CCR5AS: variants seen among roughly 807,000 people sequenced by gnomAD.
CCR5AS encodes the protein CCR5 antisense RNA.
intron 2 of CCR5AS, among the ~76,000 whole-genome samples, chr3:46,391,430 C>A (rs1489029896): frequency 6.6e-6 from 1 of 152,068 alleles, no homozygotes; most frequent in East Asian, 1.9e-4. Flanking sequence ...ATTTTTGGAG[C>A]TTTTTCTAAT....
chr3:46,368,194 G>A (rs1267902942), intron 3 of CCR5AS, among the ~76,000 whole-genome samples: 2 of 152,196 alleles, frequency 1.3e-5, no homozygotes, highest in African/African-American at 2.4e-5. Flanking sequence ...GCCCCAAAAA[G>A]GAGGGATGGC....
intron 2 of CCR5AS, among the ~76,000 whole-genome samples, chr3:46,388,061 AT>A (rs745881988): frequency 3.3e-5 from 5 of 152,204 alleles, no homozygotes; most frequent in Non-Finnish European, 7.3e-5. Flanking sequence ...GCTTCAGGCC[AT>A]CTGGATGTAT....
intron 2 of CCR5AS, among the ~76,000 whole-genome samples, chr3:46,390,204 A>G (rs113634435): frequency 0.19 from 29,426 of 152,022 alleles, 3,664 homozygotes; most frequent in African/African-American, 0.35. Flanking sequence ...CAAGTAAGGC[A>G]AAAAGAGGCT....
intron 3 of CCR5AS, among the ~76,000 whole-genome samples, chr3:46,368,478 T>C (rs538369505): frequency 1.3e-5 from 2 of 152,200 alleles, no homozygotes; most frequent in Non-Finnish European, 2.9e-5. Flanking sequence ...ATCCTTGGGC[T>C]GAACCCCCCT....
At chr3:46,395,286 G>A (rs1025582616) in intron 1 of CCR5AS, among the ~76,000 whole-genome samples, 2 of 152,160 alleles carry the variant, frequency 1.3e-5, no homozygotes, top group African/African-American at 4.8e-5. Context: ...GGCAGTGTCA[G>A]GGGAAGCTGG....
chr3:46,385,859 G>A (rs967017735), intron 2 of CCR5AS, among the ~76,000 whole-genome samples: 4 of 152,050 alleles, frequency 2.6e-5, no homozygotes, highest in African/African-American at 4.8e-5. Context: ...TCCTGCCTCA[G>A]CCTCCTGAGC....
chr3:46,372,567 C>G, intron 2 of CCR5AS: 1 of 185,842 alleles, frequency 5.4e-6, no homozygotes, highest in Non-Finnish European at 1.1e-5. Context: ...TGAGCTGCAC[C>G]ATGCTTGACC....
chr3:46,400,561 A>C (rs10490771), intron 1 of CCR5AS, among the ~76,000 whole-genome samples: 9,115 of 152,204 alleles, frequency 0.06, 915 homozygotes, highest in African/African-American at 0.21. Flanking sequence ...AAAAGTGAGA[A>C]ATTTTATTGT....
chr3:46,403,699 G>C (rs538268167), intron 1 of CCR5AS, among the ~76,000 whole-genome samples: 1 of 152,306 alleles, frequency 6.6e-6, no homozygotes, highest in African/African-American at 2.4e-5. Context: ...CTGCCCGAAG[G>C]GGTACCAGTG....
chr3:46,388,453 T>C (rs1422717935), intron 2 of CCR5AS, among the ~76,000 whole-genome samples: 1 of 152,148 alleles, frequency 6.6e-6, no homozygotes, highest in Non-Finnish European at 1.5e-5. Flanking sequence ...AAAACAGGCA[T>C]TAAAGGACTA....
At chr3:46,378,818 C>T (rs961942859) in intron 2 of CCR5AS, among the ~76,000 whole-genome samples, 1 of 152,168 alleles carries the variant, frequency 6.6e-6, no homozygotes, top group Non-Finnish European at 1.5e-5. Flanking sequence ...AGACCAATCT[C>T]TGCAGTGTGC....
At chr3:46,386,264 C>A (rs1380385691) in intron 2 of CCR5AS, among the ~76,000 whole-genome samples, 5 of 152,162 alleles carry the variant, frequency 3.3e-5, no homozygotes, top group African/African-American at 1.2e-4. Flanking sequence ...ATAAATCTCT[C>A]TACTTTCACT....
chr3:46,397,109 C>T (rs1701967008), intron 1 of CCR5AS, among the ~76,000 whole-genome samples: 1 of 152,190 alleles, frequency 6.6e-6, no homozygotes, highest in Non-Finnish European at 1.5e-5. Context: ...CGGCTCCCAT[C>T]CATGCGCCCT....
intron 2 of CCR5AS, among the ~76,000 whole-genome samples, chr3:46,390,368 T>A (rs980897602): frequency 2.6e-5 from 4 of 152,168 alleles, no homozygotes; most frequent in African/African-American, 7.2e-5. Flanking sequence ...ACGAAGATCC[T>A]GAACAAACCT....
chr3:46,364,797 C>A (rs1701584483), exon 4 of CCR5AS, among the ~76,000 whole-genome samples: 1 of 152,168 alleles, frequency 6.6e-6, no homozygotes. Flanking sequence ...AAAATACCAA[C>A]ATTAACAGGA....
intron 1 of CCR5AS, among the ~76,000 whole-genome samples, chr3:46,406,423 C>G (rs1021362673): frequency 7.9e-5 from 12 of 151,918 alleles, no homozygotes; most frequent in Admixed American, 5.9e-4. Context: ...GTGCCCTCCC[C>G]GTCCCACTCT....
chr3:46,403,995 G>A (rs180674097), intron 1 of CCR5AS, among the ~76,000 whole-genome samples: 4 of 152,334 alleles, frequency 2.6e-5, no homozygotes, highest in African/African-American at 7.2e-5. Flanking sequence ...ACTGGCAAAG[G>A]AGAAATGTTT....
intron 2 of CCR5AS, among the ~76,000 whole-genome samples, chr3:46,390,343 G>A (rs1206042735): frequency 6.6e-6 from 1 of 152,104 alleles, no homozygotes; most frequent in Non-Finnish European, 1.5e-5. Flanking sequence ...TGGGAAGGAC[G>A]ATTTGATCAA....
chr3:46,402,311 G>C (rs913691249), intron 1 of CCR5AS, among the ~76,000 whole-genome samples: 1 of 152,168 alleles, frequency 6.6e-6, no homozygotes, highest in East Asian at 1.9e-4. Context: ...TTAGGGATCA[G>C]CCAATTATGG....
Sources: gnomAD v4.1 joint callset for allele counts (sites outside exome capture counted in the v4.1 genomes callset) on GRCh38, gnomAD v4.1.1 for gene constraint, MANE v1.5 for transcripts, NCBI Gene and HGNC (gene_info 2026-07-23, HGNC 2026-07-21) for gene names.